The following DHX30 variants were observed in gnomAD, a reference collection of about 807,000 sequenced individuals.
DHX30 encodes DExH-box helicase 30.
A neutral mutation model predicts 116.9 loss-of-function variants in DHX30; 4 were observed. The observed-to-expected ratio is 0.03, with a 90% CI of 0.02 to 0.08. The LOEUF is 0.08. Ranked by LOEUF, DHX30 falls within the 10% of genes least tolerant of loss-of-function variation. The pLI is 1.00. For missense variants in DHX30, 871 were observed against 1,595.1 expected (o/e 0.55, Z 7.73); for synonymous variants, 697 against 651.7 (o/e 1.07, Z -1.06).
Position 47,850,166 on chromosome 3 carries a change from A to AAAAT in DHX30, c.*50_*53dup, listed in dbSNP as rs2038090794. ...GTGTACAGAGTGCAAATGTTTATTT[A>AAAAT]AAATAAAGTTCTATTTATCCCTTGT... On this transcript the variant is annotated 3_prime_UTR_variant, in exon 22 of 22. Coordinates refer to ENST00000445061, the MANE Select transcript of DHX30 (RefSeq NM_138615.3). 3.3e-6 allele frequency: 5 copies of AAAAT among 1,514,730 alleles called. No individual in the cohort carries two copies. The highest frequency in any genetic ancestry group is 4.4e-6 in the Non-Finnish European group (5 of 1,131,054). 93.8% of individuals were successfully genotyped at this position (1,514,730 alleles called of 1,614,324 possible). A position where few individuals can be genotyped will look rare whatever the true frequency, so the allele number is the denominator to read the frequency against.
In DHX30 at chr3:47,845,683, T is replaced by C. The variant is rs1392890105; in HGVS notation, c.940-17T>C. On this transcript the variant is annotated splice_polypyrimidine_tract_variant and intron_variant, in intron 9 of 21. Coordinates refer to ENST00000445061, the MANE Select transcript of DHX30 (RefSeq NM_138615.3). The stretch of plus-strand genomic sequence containing the variant: ...GAGCCCCAGAGCATAGACTGAGTCT[T>C]GCATGTCCCCCTGCAGAGCCTGGGC... The C allele has an allele frequency of 6.3e-7, 1 of 1,575,188 alleles. No individual in the cohort carries two copies. Among genetic ancestry groups the C allele is most frequent in the Non-Finnish European group, 8.7e-7 (1 of 1,151,538 alleles).
At chr3:47,836,864 CTTG>C (rs1441735738) in intron 6 of DHX30, among the ~76,000 whole-genome samples, 3 of 152,122 alleles carry the variant, frequency 2.0e-5, no homozygotes, top group Admixed American at 6.6e-5. Flanking sequence ...GAGATGAGAT[CTTG>C]TTGTGGTTAT....
At chr3:47,845,528 A>C in intron 9 of DHX30, 172 bp from the exon 10 acceptor site, 3 of 674,668 alleles carry the variant, frequency 4.4e-6, no homozygotes, top group Non-Finnish European at 6.6e-6. Flanking sequence ...TTATTTTGGT[A>C]AGTTAACATT....
chr3:47,836,656 C>T (rs1436157053), intron 6 of DHX30, among the ~76,000 whole-genome samples: 2 of 151,790 alleles, frequency 1.3e-5, no homozygotes, highest in Non-Finnish European at 2.9e-5. Context: ...GTAGCTGGGA[C>T]TACAGGTGCG....
chr3:47,843,002 A>T (rs2037450957), intron 8 of DHX30, 104 bp from the exon 9 acceptor site: 1 of 1,416,042 alleles, frequency 7.1e-7, no homozygotes, highest in Non-Finnish European at 9.7e-7. Flanking sequence ...ACCTGCTGAG[A>T]TGGTGGCTCA....
chr3:47,818,170 G>C, intron 4 of DHX30, 53 bp downstream of exon 4: 3 of 750,308 alleles, frequency 4.0e-6, no homozygotes, highest in Non-Finnish European at 7.5e-6. Flanking sequence ...TCTGTGGGGA[G>C]GTGGGTGGCA....
intron 9 of DHX30, among the ~76,000 whole-genome samples, chr3:47,843,731 C>G (rs2037477982): frequency 6.6e-6 from 1 of 152,080 alleles, no homozygotes; most frequent in Non-Finnish European, 1.5e-5. Flanking sequence ...GAGACAGGGT[C>G]TCTGTGGCCC....
At chr3:47,834,892 C>T (rs2107073489) in intron 6 of DHX30, among the ~76,000 whole-genome samples, 1 of 152,332 alleles carries the variant, frequency 6.6e-6, no homozygotes, top group East Asian at 1.9e-4. Context: ...GGAGTGCAGA[C>T]ATCCCTATGA....
rs2037704503 is a variant in DHX30 at position 47,848,230 on chromosome 3, C to T, written c.2337C>T (p.Arg779=). The part of the protein sequence containing the change: ...VWVSRANVIQ[R]RGRAGRCQSG... ...TATCAAGAGCCAATGTGATCCAGCG[C>T]CGGGGCCGGGCGGGCCGCTGCCAGT... Residue 779 remains arginine, a synonymous_variant, in exon 15 of 22, where the codon CGC becomes CGT. Transcript: ENST00000445061. This position sits in a 1 kb window ranked among gnomAD's most constrained non-coding sequence, Gnocchi z 9.4. 2 of 1,613,424 alleles carry T rather than the reference C, an allele frequency of 1.2e-6. No individual in the cohort carries two copies. The highest frequency in any genetic ancestry group is 1.7e-6 in the Non-Finnish European group (2 of 1,179,982).
At chr3:47,829,315 T>TATATATATATA (rs869292091) in intron 6 of DHX30, among the ~76,000 whole-genome samples, 181 bp downstream of exon 6, 49 of 32,818 alleles carry the variant, frequency 1.5e-3, no homozygotes, top group East Asian at 3.5e-3. Flanking sequence ...TATATATATA[T>TATATATATATA]TTTTTTTTTT....
At chr3:47,837,703 G>A (rs1320003963) in intron 6 of DHX30, among the ~76,000 whole-genome samples, 1 of 152,246 alleles carries the variant, frequency 6.6e-6, no homozygotes, top group Non-Finnish European at 1.5e-5. Flanking sequence ...AGAGGTTGCA[G>A]TGAGCCGAGA....
chr3:47,816,356 CTTTTTT>C (rs200180200), intron 3 of DHX30: 30 of 924,626 alleles, frequency 3.2e-5, no homozygotes, highest in East Asian at 1.3e-4. Context: ...GAGCCGTCTT[CTTTTTT>C]TTTTTTTTTT....
intron 10 of DHX30, 29 bp downstream of exon 10, chr3:47,845,881 C>G: frequency 6.3e-7 from 1 of 1,581,106 alleles, no homozygotes; most frequent in Non-Finnish European, 8.6e-7. Context: ...CTCACCACCC[C>G]TGCTCCCTGT....
At chr3:47,839,962 A>G (rs551657751) in intron 6 of DHX30, among the ~76,000 whole-genome samples, 14 of 150,958 alleles carry the variant, frequency 9.3e-5, no homozygotes, top group African/African-American at 3.2e-4. Context: ...GGTGTGAGCC[A>G]CTGTGCCCGT....
chr3:47,847,212 T>A lies in DHX30; in HGVS notation c.1930-61T>A. 6.2e-7 allele frequency: 1 copy of A among 1,604,486 alleles called. No individual in the cohort carries two copies. The highest frequency in any genetic ancestry group is 1.3e-5 in the African/African-American group (1 of 74,890). On this transcript the variant is annotated intron_variant, in intron 11 of 21. Coordinates refer to ENST00000445061, the MANE Select transcript of DHX30 (RefSeq NM_138615.3). The surrounding 1 kb of genome is among the most constrained non-coding windows in gnomAD (Gnocchi z 5.5). ...TCCGTCTCACTGAGTCAGGTGGCTG[T>A]GTCCTTGGCATGACCCCTTACCCCG...
intron 6 of DHX30, among the ~76,000 whole-genome samples, chr3:47,840,333 C>T (rs2037315162): frequency 6.6e-6 from 1 of 151,386 alleles, no homozygotes; most frequent in Non-Finnish European, 1.5e-5. Context: ...ACTGAAGCTT[C>T]CTAGATCATT....
Position 47,849,766 on chromosome 3 carries a change from C to T in DHX30, c.3328C>T (p.Arg1110Cys), listed in dbSNP as rs1240884305. ...GCTGACCGACGGGGACGTGCACATC[C>T]GTGGTGGGTGCCTGCAGGCCTCCCG... ...LLLTDGDVHI[R>C]DDGRRATISL... is the part of the protein sequence containing the mutation. Residue 1110 changes from arginine to cysteine, a missense_variant, in exon 21 of 22, where the codon CGT (arginine) becomes TGT (cysteine). Around this residue, in one of 13 missense-constraint regions of DHX30, gnomAD observed 238 missense variants for 481.0 expected, o/e 0.49. Transcript: ENST00000445061. 9.3e-6 allele frequency: 15 copies of T among 1,611,686 alleles called. No individual in the cohort carries two copies. Among genetic ancestry groups the T allele is most frequent in the Admixed American group, 3.3e-5 (2 of 59,928 alleles).
At chr3:47,839,171 G>A (rs1330065948) in intron 6 of DHX30, among the ~76,000 whole-genome samples, 4 of 151,552 alleles carry the variant, frequency 2.6e-5, no homozygotes, top group Non-Finnish European at 4.4e-5. Flanking sequence ...ATTTTCTGTA[G>A]AAAAGCATGA....
At chr3:47,803,619 T>C (rs956728385) in intron 1 of DHX30, among the ~76,000 whole-genome samples, 3 of 152,196 alleles carry the variant, frequency 2.0e-5, no homozygotes, top group African/African-American at 7.2e-5. Flanking sequence ...TGTCTACTTC[T>C]CCTCCTTCCC....
Sources: allele counts gnomAD v4.1 joint callset (sites outside exome capture counted in the v4.1 genomes callset), GRCh38; gene constraint gnomAD v4.1.1; regional missense constraint gnomAD v4.1.1; non-coding constraint Gnocchi (gnomAD v3.1); transcripts MANE v1.5; gene names NCBI Gene and HGNC (gene_info 2026-07-23, HGNC 2026-07-21).